STX11: variants seen among roughly 807,000 people sequenced by gnomAD.
STX11 encodes the protein syntaxin 11, also known as syntaxin-11.
Under a neutral mutation model 19.9 loss-of-function variants are expected in STX11, and 21 were observed. That is an observed-to-expected ratio of 1.06 (90% confidence interval 0.75 to 1.52). STX11 has a LOEUF of 1.52. STX11 is among the 40% of genes most tolerant of loss of function. STX11 has a pLI of 0.00. For missense variants in STX11, 438 were observed against 405.9 expected, an observed-to-expected ratio of 1.08 and a Z score of -0.68; for synonymous variants, 193 against 174.4, an observed-to-expected ratio of 1.11 and a Z score of -0.84.
chr6:144,149,277 TTTTA>T (rs1800934512), upstream of STX11, among the ~76,000 whole-genome samples: 1 of 152,210 alleles, frequency 6.6e-6, no homozygotes, highest in Non-Finnish European at 1.5e-5. The surrounding 1 kb of genome is among the most constrained non-coding windows in gnomAD (Gnocchi z 5.1). Flanking sequence ...CCTCTCCGCC[TTTTA>T]TTTATTTATT....
chr6:144,185,383 G>T (rs1052228852), intron 1 of STX11, among the ~76,000 whole-genome samples: 24 of 152,158 alleles, frequency 1.6e-4, no homozygotes, highest in Admixed American at 2.0e-4. Context: ...GCTGCAAATT[G>T]TGTAGTAGAA....
Position 144,160,414 on chromosome 6 carries a change from G to A in STX11, c.-6+9711G>A, listed in dbSNP as rs528509800. On this transcript the variant is annotated intron_variant, in intron 1 of 1. Transcript: ENST00000367568. The surrounding 1 kb of genome is among the most constrained non-coding windows in gnomAD (Gnocchi z 4.3). ...ACTTTTGAAGCTTTGCAGCTCTTCT[G>A]CTGCAATTTATTTACATTTATTATA... Among the ~76,000 whole-genome samples, 1 of 152,256 alleles carries A rather than the reference G, an allele frequency of 6.6e-6. No individual in the cohort carries two copies. The highest frequency in any genetic ancestry group is 2.1e-4 in the South Asian group (1 of 4,826).
the STX11 span, chr6:144,140,631 G>T: frequency 2.2e-6 from 1 of 447,484 alleles, no homozygotes; most frequent in Non-Finnish European, 3.0e-6. Context: ...GGTCATGGAA[G>T]GTTGCTAGCA....
Position 144,186,839 on chromosome 6 carries a change from G to A in STX11, c.212G>A (p.Arg71His), listed in dbSNP as rs138767842. 1.2e-6 allele frequency: 2 copies of A among 1,613,058 alleles called. No homozygotes were observed. The highest frequency in any genetic ancestry group is 1.7e-6 in the Non-Finnish European group (2 of 1,179,970). ...AAGCGGCTGGGAAAGCAGAACGCCC[G>A]CTTCCTCACGTCCATGCGGCGCCTC... ...DVKRLGKQNA[R>H]FLTSMRRLSS... is the part of the protein sequence containing the mutation. The change falls in exon 2 of 2, where the codon CGC (arginine) becomes CAC (histidine). Residue 71 changes from arginine to histidine, a missense_variant. By Grantham distance (29) the Arg-to-His change is conservative. Coordinates refer to ENST00000367568, the MANE Select transcript of STX11 (RefSeq NM_003764.4).
rs543553881 is a variant in STX11 at position 144,160,067 on chromosome 6, A to G, written c.-6+9364A>G. Among the ~76,000 whole-genome samples the G allele has an allele frequency of 6.6e-6, 1 of 152,142 alleles. No homozygotes were observed. The highest frequency in any genetic ancestry group is 1.5e-5 in the Non-Finnish European group (1 of 68,026). Reference sequence around the variant, plus strand: ...GCCCAGGCTGGAATGAAATGGCACAATCTCTGCTCACAGTAACCTCCGCCT... The same window carrying G: ...GCCCAGGCTGGAATGAAATGGCACAGTCTCTGCTCACAGTAACCTCCGCCT... On this transcript the variant is annotated intron_variant, in intron 1 of 1. Coordinates refer to ENST00000367568, the MANE Select transcript of STX11 (RefSeq NM_003764.4). The surrounding 1 kb of genome is among the most constrained non-coding windows in gnomAD (Gnocchi z 4.3).
rs1372260230 is a variant in STX11 at position 144,177,302 on chromosome 6, A to T, written c.-5-9321A>T. On this transcript the variant is annotated intron_variant, in intron 1 of 1. Transcript: ENST00000367568. The surrounding 1 kb of genome is among the most constrained non-coding windows in gnomAD (Gnocchi z 4.4). ...TATTTTCCAGGCAAAGTTTTGCTTC[A>T]CATTCTAGGGCCAAAGGGAAATCAG... 6.6e-6 allele frequency among the ~76,000 whole-genome samples: 1 copy of T among 152,236 alleles called. No individual in the cohort carries two copies. The highest frequency in any genetic ancestry group is 2.4e-5 in the African/African-American group (1 of 41,462).
Position 144,190,789 on chromosome 6 carries a change from T to A in STX11, c.*3298T>A, listed in dbSNP as rs75318897. On this transcript the variant is annotated 3_prime_UTR_variant, in exon 2 of 2. Transcript: ENST00000367568. ...AGTCCTGGAAGGAGTTGTAGGAAGT[T>A]GTAGAGGCTGGGTCACTGACCTAAG... 3.0e-3 allele frequency among the ~76,000 whole-genome samples: 458 copies of A among 152,252 alleles called. 1 individual carries two copies. Among genetic ancestry groups the A allele is most frequent in the African/African-American group, 0.01 (416 of 41,558 alleles).
In STX11 at chr6:144,187,542, G is replaced by C. The variant is rs1802094625; in HGVS notation, c.*51G>C. 6.2e-6 allele frequency: 10 copies of C among 1,609,898 alleles called. No individual in the cohort carries two copies. Among genetic ancestry groups the C allele is most frequent in the Non-Finnish European group, 8.5e-6 (10 of 1,179,136 alleles). ...CATCCCAGACCATGGAGCGCGCTGGGAAGGACGCACCAAAGCCGGGAGCTC... is the reference window on the plus strand; with the variant it reads ...CATCCCAGACCATGGAGCGCGCTGGCAAGGACGCACCAAAGCCGGGAGCTC... On this transcript the variant is annotated 3_prime_UTR_variant, in exon 2 of 2. Coordinates refer to ENST00000367568, the MANE Select transcript of STX11 (RefSeq NM_003764.4). This position sits in a 1 kb window ranked among gnomAD's most constrained non-coding sequence, Gnocchi z 5.6.
At position 144,187,981 on chromosome 6, in the gene STX11, G is replaced by T. The variant is rs1802107197; in HGVS notation, c.*490G>T. 2 of 284,168 alleles carry T rather than the reference G, an allele frequency of 7.0e-6. No homozygotes were observed. The highest frequency in any genetic ancestry group is 2.2e-5 in the African/African-American group (1 of 45,982). 17.6% of individuals were successfully genotyped at this position (284,168 alleles called of 1,614,324 possible). On this transcript the variant is annotated 3_prime_UTR_variant, in exon 2 of 2. Coordinates refer to ENST00000367568, the MANE Select transcript of STX11 (RefSeq NM_003764.4). This position sits in a 1 kb window ranked among gnomAD's most constrained non-coding sequence, Gnocchi z 5.6. ...GGGAAAAACCACGTTCTTCCTTTCC[G>T]ATTCTTCATCCGGTCTACGCTATGC...
chr6:144,148,258 C>G (rs145310172), upstream of STX11, among the ~76,000 whole-genome samples: 1 of 152,188 alleles, frequency 6.6e-6, no homozygotes, highest in Non-Finnish European at 1.5e-5. Flanking sequence ...GTTTTGCCCA[C>G]GCTGATATTT....
In STX11 at chr6:144,152,021, T is replaced by C. The variant is rs1801019990; in HGVS notation, c.-6+1318T>C. ...ACCAGGTACCTTCTCTGTGCCAGCC[T>C]CTTCCCTGAACCTTGCTTGTACAAC... On this transcript the variant is annotated intron_variant, in intron 1 of 1. Coordinates refer to ENST00000367568, the MANE Select transcript of STX11 (RefSeq NM_003764.4). The surrounding 1 kb of genome is among the most constrained non-coding windows in gnomAD (Gnocchi z 4.9). Among the ~76,000 whole-genome samples the C allele has an allele frequency of 6.6e-6, 1 of 152,148 alleles. No homozygotes were observed. Among genetic ancestry groups the C allele is most frequent in the South Asian group, 2.1e-4 (1 of 4,822 alleles).
rs1425542746 is a variant in STX11 at position 144,155,991 on chromosome 6, T to C, written c.-6+5288T>C. ...CTTTCTTTCTTTCTTTCTTTCTTTC[T>C]TTCTTTCTTTCTTTCTTTCTTTCTC... On this transcript the variant is annotated intron_variant, in intron 1 of 1. Transcript: ENST00000367568. This position sits in a 1 kb window ranked among gnomAD's most constrained non-coding sequence, Gnocchi z 4.5. 2.6e-4 allele frequency among the ~76,000 whole-genome samples: 35 copies of C among 133,544 alleles called. No homozygotes were observed. Among genetic ancestry groups the C allele is most frequent in the African/African-American group, 1.0e-3 (28 of 26,908 alleles). 87.6% of individuals were successfully genotyped at this position (133,544 alleles called of 152,430 possible).
Position 144,169,663 on chromosome 6 carries a change from C to CCCTCCCTTCCTTCCTTCCTT in STX11, c.-5-16957_-5-16956insCCCTTCCTTCCTTCCTTCCT, listed in dbSNP as rs1554292615. 7.9e-5 allele frequency among the ~76,000 whole-genome samples: 11 copies of CCCTCCCTTCCTTCCTTCCTT among 139,668 alleles called. No individual in the cohort carries two copies. 91.6% of individuals were successfully genotyped at this position (139,668 alleles called of 152,430 possible). ...CTCCTTTTCTTTTCCCTCCCTCCCT[C>CCCTCCCTTCCTTCCTTCCTT]CCTTCCTTCCTTCCTTCCTTCCTTC... On this transcript the variant is annotated intron_variant, in intron 1 of 1. Transcript: ENST00000367568. The surrounding 1 kb of genome is among the most constrained non-coding windows in gnomAD (Gnocchi z 5.2).
Position 144,187,678 on chromosome 6 carries a change from C to A in STX11, c.*187C>A. 1.4e-6 allele frequency: 1 copy of A among 732,652 alleles called. No individual in the cohort carries two copies. The highest frequency in any genetic ancestry group is 2.3e-6 in the Non-Finnish European group (1 of 440,754). The allele number at this position is 732,652 out of a possible 1,614,324, so 45.4% of individuals were successfully genotyped here. Reference sequence around the variant, plus strand: ...TGCTTGGAAAGATGGTTAGTTGATACCGTCCGATGATTCTTCAGTAAAGAT... The same window carrying A: ...TGCTTGGAAAGATGGTTAGTTGATAACGTCCGATGATTCTTCAGTAAAGAT... On this transcript the variant is annotated 3_prime_UTR_variant, in exon 2 of 2. Coordinates refer to ENST00000367568, the MANE Select transcript of STX11 (RefSeq NM_003764.4). The surrounding 1 kb of genome is among the most constrained non-coding windows in gnomAD (Gnocchi z 5.6).
At chr6:144,173,555 T>G (rs1376115331) in intron 1 of STX11, among the ~76,000 whole-genome samples, 2 of 152,242 alleles carry the variant, frequency 1.3e-5, no homozygotes, top group Non-Finnish European at 2.9e-5. Context: ...AAATAATGCT[T>G]GCAAACTAGA....
chr6:144,160,096 G>A lies in STX11; in HGVS notation c.-6+9393G>A, dbSNP rs1196025873. On this transcript the variant is annotated intron_variant, in intron 1 of 1. Transcript: ENST00000367568. This position sits in a 1 kb window ranked among gnomAD's most constrained non-coding sequence, Gnocchi z 4.3. ...CTGCTCACAGTAACCTCCGCCTCCC[G>A]GGTTCAAGTGATTCTCCTGCCTCAG... Among the ~76,000 whole-genome samples, 4 of 152,084 alleles carry A rather than the reference G, an allele frequency of 2.6e-5. 1 individual carries two copies. Among genetic ancestry groups the A allele is most frequent in the Admixed American group, 2.0e-4 (3 of 15,260 alleles).
chr6:144,144,124 T>A, the STX11 span, among the ~76,000 whole-genome samples: 11 of 152,342 alleles, frequency 7.2e-5, 1 homozygote, highest in South Asian at 6.2e-4. Flanking sequence ...TTATTGAGTG[T>A]CTCTAATGTT....
upstream of STX11, among the ~76,000 whole-genome samples, chr6:144,150,303 C>G (rs1339152234): frequency 6.6e-6 from 1 of 152,254 alleles, no homozygotes; most frequent in Non-Finnish European, 1.5e-5. Context: ...CCGCGCCGGT[C>G]CGCGCAGCCC....
Position 144,154,528 on chromosome 6 carries a change from C to A in STX11, c.-6+3825C>A, listed in dbSNP as rs541083531. Among the ~76,000 whole-genome samples, 3 of 152,124 alleles carry A rather than the reference C, an allele frequency of 2.0e-5. No individual in the cohort carries two copies. The highest frequency in any genetic ancestry group is 4.4e-5 in the Non-Finnish European group (3 of 68,016). ...CCACCCCTCCTAAACACTGAATGCT[C>A]AACTTTTCATATTTCTCAGATGCAC... On this transcript the variant is annotated intron_variant, in intron 1 of 1. Coordinates refer to ENST00000367568, the MANE Select transcript of STX11 (RefSeq NM_003764.4). This position sits in a 1 kb window ranked among gnomAD's most constrained non-coding sequence, Gnocchi z 4.7.
Sources: gnomAD v4.1 joint callset for allele counts (sites outside exome capture counted in the v4.1 genomes callset) on GRCh38, gnomAD v4.1.1 for gene constraint, Gnocchi (gnomAD v3.1) non-coding constraint, MANE v1.5 for transcripts, NCBI Gene and HGNC (gene_info 2026-07-23, HGNC 2026-07-21) for gene names.